COPS7A: variants seen among roughly 807,000 people sequenced by gnomAD.
The protein encoded by COPS7A is COP9 signalosome complex subunit 7a.
COPS7A carries 20 observed loss-of-function variants against 35.2 expected under a neutral mutation model. The ratio of observed to expected loss-of-function variants is 0.57; its 90% confidence interval spans 0.40 to 0.83. COPS7A has a LOEUF of 0.83. Ranked by LOEUF, COPS7A falls within the 40% of genes least tolerant of loss-of-function variation. The pLI is 0.00. For missense variants in COPS7A, 247 were observed against 347.5 expected, an observed-to-expected ratio of 0.71 and a Z score of 2.30; for synonymous variants, 139 against 141.4, an observed-to-expected ratio of 0.98 and a Z score of 0.12.
In COPS7A at chr12:6,724,048, T is replaced by G. The variant is rs1941185413; in HGVS notation, c.-175T>G. The G allele has an allele frequency of 5.7e-6, 1 of 176,444 alleles. No individual in the cohort carries two copies. The highest frequency in any genetic ancestry group is 2.4e-5 in the African/African-American group (1 of 41,704). 10.9% of individuals were successfully genotyped at this position (176,444 alleles called of 1,614,324 possible). A position where few individuals can be genotyped will look rare whatever the true frequency, so the allele number is the denominator to read the frequency against. ...GCCGGAAGCCCGCCATAGAGTTTAGTGGCCAGAGCGACTCTTCAGGGAGGT... is the reference window on the plus strand; with the variant it reads ...GCCGGAAGCCCGCCATAGAGTTTAGGGGCCAGAGCGACTCTTCAGGGAGGT... On this transcript the variant is annotated 5_prime_UTR_variant, in exon 1 of 8. Transcript: ENST00000543155.
At position 6,729,397 on chromosome 12, in the gene COPS7A, C is replaced by T. The variant is rs1565468245; in HGVS notation, c.478C>T (p.Arg160Trp). ...GCTCGAGGTTGACTACAGCATCGGGCGGGACATCCAGCGCCAGGACCTCAG... is the reference window on the plus strand; with the variant it reads ...GCTCGAGGTTGACTACAGCATCGGGTGGGACATCCAGCGCCAGGACCTCAG... ...QRLEVDYSIG[R>W]DIQRQDLSAI... is the part of the protein sequence containing the mutation. The change falls in exon 5 of 8, where the codon CGG becomes TGG. Residue 160 changes from arginine to tryptophan, a missense_variant. Transcript: ENST00000543155. This position sits in a 1 kb window ranked among gnomAD's most constrained non-coding sequence, Gnocchi z 4.2. 7 of 1,613,930 alleles carry T rather than the reference C, an allele frequency of 4.3e-6. No individual in the cohort carries two copies. The highest frequency in any genetic ancestry group is 1.6e-4 in the Middle Eastern group (1 of 6,082).
At chr12:6,724,571 C>A in intron 1 of COPS7A, 43 bp from the exon 2 acceptor site, 1 of 1,539,484 alleles carries the variant, frequency 6.5e-7, no homozygotes, top group Non-Finnish European at 9.0e-7. Context: ...CCCATCCGAC[C>A]AGCCATCGGG....
At position 6,726,090 on chromosome 12, in the gene COPS7A, G is replaced by A. The variant is rs186108832; in HGVS notation, c.162+1272G>A. Reference sequence around the variant, plus strand: ...AGCACTTTGGGAGGCTGAGGTGGGCGGATCATGAGGTCAGGAGATGGAGAC... The same window carrying A: ...AGCACTTTGGGAGGCTGAGGTGGGCAGATCATGAGGTCAGGAGATGGAGAC... On this transcript the variant is annotated intron_variant, in intron 2 of 7. Transcript: ENST00000543155. 1.1e-3 allele frequency: 394 copies of A among 357,348 alleles called. 1 individual carries two copies. The highest frequency in any genetic ancestry group is 9.1e-3 in the East Asian group (123 of 13,482). 22.1% of individuals were successfully genotyped at this position (357,348 alleles called of 1,614,324 possible).
intron 6 of COPS7A, 32 bp from the exon 7 acceptor site, chr12:6,730,637 C>A (rs770530289): frequency 1.5e-5 from 24 of 1,613,350 alleles, no homozygotes; most frequent in Non-Finnish European, 8.5e-7. Context: ...CTGGAACCTT[C>A]CTTGCTATCC....
chr12:6,731,121 C>T lies in COPS7A; in HGVS notation c.*82C>T, dbSNP rs1474748712. Reference sequence around the variant, plus strand: ...AGGAGTCCTCAGAGAGCCTTCTGTGCCCCTGGCCAGCTGATAATCCTAGGT... The same window carrying T: ...AGGAGTCCTCAGAGAGCCTTCTGTGTCCCTGGCCAGCTGATAATCCTAGGT... On this transcript the variant is annotated 3_prime_UTR_variant, in exon 8 of 8. Transcript: ENST00000543155. The T allele has an allele frequency of 1.9e-6, 3 of 1,612,742 alleles. No homozygotes were observed. The Admixed American group carries it at 5.0e-5, about 27-fold the overall frequency.
At chr12:6,725,079 G>A (rs1396007072) in intron 2 of COPS7A, among the ~76,000 whole-genome samples, 2 of 151,908 alleles carry the variant, frequency 1.3e-5, no homozygotes, top group African/African-American at 2.4e-5. Context: ...ATTTCCAGCC[G>A]GTCTCCACCA....
chr12:6,727,518 G>A (rs1941286814), intron 2 of COPS7A, among the ~76,000 whole-genome samples: 1 of 152,050 alleles, frequency 6.6e-6, no homozygotes. Flanking sequence ...GGCTGAGGCA[G>A]GAGTCTGGTG....
intron 2 of COPS7A, 168 bp from the exon 3 acceptor site, chr12:6,727,758 T>G (rs940792497): frequency 9.9e-6 from 7 of 708,954 alleles, no homozygotes; most frequent in Non-Finnish European, 1.8e-5. Flanking sequence ...AAATGAGCCC[T>G]TCCTATGTGA....
At chr12:6,728,363 T>C (rs768553041) in intron 4 of COPS7A, 52 bp downstream of exon 4, 13 of 1,508,492 alleles carry the variant, frequency 8.6e-6, no homozygotes, top group Non-Finnish European at 1.0e-5. Context: ...TTGTATGTCC[T>C]TGGGAGTCCA....
intron 4 of COPS7A, among the ~76,000 whole-genome samples, chr12:6,728,662 T>C (rs1226062614): frequency 2.0e-5 from 3 of 152,170 alleles, no homozygotes; most frequent in Non-Finnish European, 2.9e-5. Flanking sequence ...ATAAAACATA[T>C]ATATTCTAGA....
At chr12:6,728,332 C>T (rs1941308535) in intron 4 of COPS7A, 21 bp downstream of exon 4, 1 of 1,601,750 alleles carries the variant, frequency 6.2e-7, no homozygotes, top group African/African-American at 1.3e-5. Context: ...GTCCCCCAGT[C>T]CTACGGTCTA....
intron 2 of COPS7A, chr12:6,725,932 T>C: frequency 2.2e-6 from 1 of 455,656 alleles, no homozygotes; most frequent in Non-Finnish European, 4.4e-6. Flanking sequence ...GGCTCATGCC[T>C]GTAATCCCAG....
At chr12:6,724,204 C>G in intron 1 of COPS7A, 25 bp downstream of exon 1, 1 of 270,896 alleles carries the variant, frequency 3.7e-6, no homozygotes, top group South Asian at 2.8e-5. Context: ...TCGGCGGGAG[C>G]CCACGGTCGC....
chr12:6,724,825 T>TG lies in COPS7A; in HGVS notation c.162+8dup. 6.2e-7 allele frequency: 1 copy of TG among 1,614,066 alleles called. No individual in the cohort carries two copies. The highest frequency in any genetic ancestry group is 8.5e-7 in the Non-Finnish European group (1 of 1,179,952). The stretch of plus-strand genomic sequence containing the variant: ...CATGCCCAATGTTAGAGAGGTGGGT[T>TG]GCTGGCTTGAATAGCCCTCAGAGAA... On this transcript the variant is annotated splice_region_variant and intron_variant, in intron 2 of 7. Coordinates refer to ENST00000543155, the MANE Select transcript of COPS7A (RefSeq NM_001164094.2).
At position 6,729,238 on chromosome 12, in the gene COPS7A, C is replaced by T. The variant is rs746435195; in HGVS notation, c.328-9C>T. 8.7e-6 allele frequency: 14 copies of T among 1,613,930 alleles called. No homozygotes were observed. Among genetic ancestry groups the T allele is most frequent in the African/African-American group, 4.0e-5 (3 of 74,896 alleles). On this transcript the variant is annotated splice_polypyrimidine_tract_variant and intron_variant, in intron 4 of 7. Coordinates refer to ENST00000543155, the MANE Select transcript of COPS7A (RefSeq NM_001164094.2). The surrounding 1 kb of genome is among the most constrained non-coding windows in gnomAD (Gnocchi z 4.2). ...GTCACAAATCCTGGCCTGATCTCCG[C>T]GGCCCCAGTGTATCCCATATGCAGT...
Position 6,729,133 on chromosome 12 carries a change from G to T in COPS7A, c.328-114G>T. On this transcript the variant is annotated intron_variant, in intron 4 of 7. Transcript: ENST00000543155. The surrounding 1 kb of genome is among the most constrained non-coding windows in gnomAD (Gnocchi z 4.2). ...CAGCCTCTTAGAGGAAGTGATTTAG[G>T]AATGGGAGTGGAGGGCAGGTGGGCT... 4 of 967,480 alleles carry T rather than the reference G, an allele frequency of 4.1e-6. No homozygotes were observed. Among genetic ancestry groups the T allele is most frequent in the Non-Finnish European group, 6.5e-6 (4 of 615,316 alleles). The allele number at this position is 967,480 out of a possible 1,614,324, so 59.9% of individuals were successfully genotyped here.
At chr12:6,726,494 C>T (rs1298708891) in intron 2 of COPS7A, among the ~76,000 whole-genome samples, 18 of 151,218 alleles carry the variant, frequency 1.2e-4, no homozygotes, top group African/African-American at 3.4e-4. Context: ...CCCAGCTACT[C>T]GGGAGGCTGA....
chr12:6,731,219 T>C lies in COPS7A; in HGVS notation c.*180T>C, dbSNP rs1213506712. On this transcript the variant is annotated 3_prime_UTR_variant, in exon 8 of 8. Transcript: ENST00000543155. Reference sequence around the variant, plus strand: ...CTAGGGAGGAGGCAAATGTAGGTCATGTTTTTGTTGGTACTTTCTGTTTTT... The same window carrying C: ...CTAGGGAGGAGGCAAATGTAGGTCACGTTTTTGTTGGTACTTTCTGTTTTT... The C allele has an allele frequency of 7.4e-6, 11 of 1,481,476 alleles. No homozygotes were observed. The highest frequency in any genetic ancestry group is 7.3e-5 in the Admixed American group (3 of 41,302). 91.8% of individuals were successfully genotyped at this position (1,481,476 alleles called of 1,614,324 possible).
Position 6,724,624 on chromosome 12 carries a change from C to T in COPS7A, c.-33C>T, listed in dbSNP as rs1941203257. 6.2e-7 allele frequency: 1 copy of T among 1,613,778 alleles called. No homozygotes were observed. Among genetic ancestry groups the T allele is most frequent in the South Asian group, 1.1e-5 (1 of 91,046 alleles). On this transcript the variant is annotated 5_prime_UTR_variant, in exon 2 of 8. Coordinates refer to ENST00000543155, the MANE Select transcript of COPS7A (RefSeq NM_001164094.2). ...CCTCTTTCCTTGCAGCTCTGGACAT[C>T]CTGAGCCCAAGTCCCCCACACTCAG...
Sources: gnomAD v4.1 joint callset for allele counts (sites outside exome capture counted in the v4.1 genomes callset) on GRCh38, gnomAD v4.1.1 for gene constraint, Gnocchi (gnomAD v3.1) non-coding constraint, MANE v1.5 for transcripts, NCBI Gene and HGNC (gene_info 2026-07-23, HGNC 2026-07-21) for gene names.